ATG7: variants seen among roughly 807,000 people sequenced by gnomAD.
ATG7 encodes the protein ubiquitin-like modifier-activating enzyme ATG7.
A neutral mutation model predicts 82.4 loss-of-function variants in ATG7; 70 were observed. The observed-to-expected ratio is 0.85, with a 90% CI of 0.70 to 1.04. The LOEUF is 1.04. Among genes scored for constraint, ATG7 ranks in the 50% least tolerant of loss-of-function variants. ATG7 has a pLI of 0.00. For synonymous variants in ATG7, 287 were observed against 313.0 expected (o/e 0.92, Z 0.88); for missense variants, 792 against 864.3 (o/e 0.92, Z 1.05).
intron 20 of ATG7, among the ~76,000 whole-genome samples, chr3:11,452,902 G>A (rs2085333164): frequency 6.6e-6 from 1 of 152,162 alleles, no homozygotes; most frequent in Non-Finnish European, 1.5e-5. Context: ...TGTTCACTAA[G>A]CACCTATTGT....
intron 7 of ATG7, among the ~76,000 whole-genome samples, chr3:11,310,634 GTT>G (rs1210766518): frequency 2.1e-5 from 3 of 142,100 alleles, no homozygotes; most frequent in African/African-American, 2.6e-5. Flanking sequence ...TAATTCTGTA[GTT>G]TTTTTTTTTT....
chr3:11,430,077 A>G (rs1287455130), intron 20 of ATG7, among the ~76,000 whole-genome samples: 2 of 151,808 alleles, frequency 1.3e-5, no homozygotes, highest in East Asian at 1.9e-4. Flanking sequence ...TCTTTAGGTT[A>G]TATTCTTTAT....
At chr3:11,536,081 A>G (rs1012362057) in intron 20 of ATG7, among the ~76,000 whole-genome samples, 3 of 152,296 alleles carry the variant, frequency 2.0e-5, no homozygotes, top group African/African-American at 7.2e-5. Context: ...AGTTGGGGCA[A>G]GGAGACCACC....
intron 20 of ATG7, among the ~76,000 whole-genome samples, chr3:11,526,682 A>G (rs2092586381): frequency 6.6e-6 from 1 of 152,186 alleles, no homozygotes; most frequent in Admixed American, 6.5e-5. Context: ...ATCTTTTGCA[A>G]ATAACAATAG....
chr3:11,566,697 C>T, the ATG7 span, among the ~76,000 whole-genome samples: 5 of 152,304 alleles, frequency 3.3e-5, no homozygotes, highest in South Asian at 1.0e-3. Context: ...CCCCGTCCTG[C>T]GCTGCCAACC....
the ATG7 span, among the ~76,000 whole-genome samples, chr3:11,574,218 C>T: frequency 2.0e-5 from 3 of 152,210 alleles, no homozygotes; most frequent in South Asian, 2.1e-4. Flanking sequence ...CGTACCCACC[C>T]GCTGCCTTGC....
intron 20 of ATG7, among the ~76,000 whole-genome samples, chr3:11,491,739 C>G (rs1651449337): frequency 6.6e-6 from 1 of 152,140 alleles, no homozygotes; most frequent in Non-Finnish European, 1.5e-5. Context: ...GAGGTCCAGT[C>G]CAGACCCTGT....
chr3:11,298,946 C>A, intron 4 of ATG7, 91 bp downstream of exon 4: 8 of 1,417,870 alleles, frequency 5.6e-6, no homozygotes, highest in Non-Finnish European at 6.8e-6. Context: ...AAGAGACAGC[C>A]TTGTCTTTTA....
chr3:11,573,323 GAAA>G, the ATG7 span, among the ~76,000 whole-genome samples: 23 of 34,450 alleles, frequency 6.7e-4, 2 homozygotes, highest in East Asian at 0.018. Context: ...AAGGAAGAAA[GAAA>G]GAAAGAAAGA....
chr3:11,341,385 TAGA>T (rs201404576), intron 12 of ATG7, among the ~76,000 whole-genome samples: 3,836 of 151,706 alleles, frequency 0.025, 168 homozygotes, highest in African/African-American at 0.088. Flanking sequence ...TGAAGGATAT[TAGA>T]AGAATTATTT....
intron 20 of ATG7, among the ~76,000 whole-genome samples, chr3:11,549,707 T>G (rs1277291058): frequency 6.6e-6 from 1 of 152,222 alleles, no homozygotes; most frequent in African/African-American, 2.4e-5. Context: ...ACATTCTGGC[T>G]CAAGTTTTTC....
chr3:11,576,201 G>A, the ATG7 span, among the ~76,000 whole-genome samples: 2 of 152,214 alleles, frequency 1.3e-5, no homozygotes, highest in South Asian at 4.1e-4. Context: ...CCCACCTGCG[G>A]CCATGACCCC....
chr3:11,415,624 C>T (rs1019283092), intron 19 of ATG7, among the ~76,000 whole-genome samples: 7 of 152,038 alleles, frequency 4.6e-5, no homozygotes, highest in East Asian at 1.9e-4. Context: ...CCTACGCCTA[C>T]TCAGGGTCAG....
At chr3:11,273,070 C>T (rs1940857841) in intron 1 of ATG7, among the ~76,000 whole-genome samples, 1 of 152,132 alleles carries the variant, frequency 6.6e-6, no homozygotes, top group Non-Finnish European at 1.5e-5. Context: ...CAAGCCAAAC[C>T]GTGTGTGTGT....
intron 9 of ATG7, among the ~76,000 whole-genome samples, chr3:11,330,977 A>T (rs1271549575): frequency 6.6e-6 from 1 of 152,146 alleles, no homozygotes; most frequent in Non-Finnish European, 1.5e-5. Context: ...CAATTTTCAC[A>T]GATTATATTT....
chr3:11,475,426 C>G (rs1574882391), intron 20 of ATG7, among the ~76,000 whole-genome samples: 1 of 152,146 alleles, frequency 6.6e-6, no homozygotes, highest in South Asian at 2.1e-4. Flanking sequence ...GGGCAGGGGG[C>G]TGGCGAGATG....
intron 9 of ATG7, among the ~76,000 whole-genome samples, chr3:11,320,899 G>A (rs1479254485): frequency 6.6e-6 from 1 of 152,180 alleles, no homozygotes; most frequent in Non-Finnish European, 1.5e-5. Flanking sequence ...TCTGTTGTCT[G>A]GTTAAGGCCA....
intron 19 of ATG7, among the ~76,000 whole-genome samples, chr3:11,406,061 C>T (rs1433349198): frequency 1.3e-5 from 2 of 151,842 alleles, no homozygotes; most frequent in Non-Finnish European, 1.5e-5. Context: ...ATGATCCCGG[C>T]TCACTGCAAC....
chr3:11,565,134 G>A, the ATG7 span: 16 of 1,069,168 alleles, frequency 1.5e-5, no homozygotes, highest in East Asian at 6.5e-5. This position sits in a 1 kb window ranked among gnomAD's most constrained non-coding sequence, Gnocchi z 4.1. Context: ...AGCTCAGGTC[G>A]TGTGGCTGGG....
Sources: allele counts gnomAD v4.1 joint callset (sites outside exome capture counted in the v4.1 genomes callset), GRCh38; gene constraint gnomAD v4.1.1; non-coding constraint Gnocchi (gnomAD v3.1); transcripts MANE v1.5; gene names NCBI Gene and HGNC (gene_info 2026-07-23, HGNC 2026-07-21).